The following LRP4 variants were observed in gnomAD, a reference collection of about 807,000 sequenced individuals.
LRP4 encodes low-density lipoprotein receptor-related protein 4.
In LRP4, 95 loss-of-function variants were observed where a neutral mutation model predicts 220.3. The ratio of observed to expected loss-of-function variants is 0.43; its 90% CI spans 0.37 to 0.51. LRP4 has a LOEUF of 0.51. Ranked by LOEUF, LRP4 falls within the 20% of genes least tolerant of loss-of-function variation. The pLI, the probability that LRP4 is intolerant of heterozygous loss-of-function variation, is 0.00. For missense variants in LRP4, 1,925 were observed against 2,567.0 expected (o/e 0.75, Z 5.40); for synonymous variants, 903 against 954.6 (o/e 0.95, Z 1.00).
At chr11:46,872,110 G>T (rs1940880856) in intron 30 of LRP4, among the ~76,000 whole-genome samples, 1 of 152,128 alleles carries the variant, frequency 6.6e-6, no homozygotes, top group Non-Finnish European at 1.5e-5. Context: ...ACAAAAATTA[G>T]CCAGGCGTGG....
intron 20 of LRP4, among the ~76,000 whole-genome samples, chr11:46,881,283 G>C (rs1434310670): frequency 6.6e-6 from 1 of 152,056 alleles, no homozygotes; most frequent in African/African-American, 2.4e-5. Context: ...AGCAAATGTG[G>C]CAAAATTTTA....
intron 16 of LRP4, 116 bp from the exon 17 acceptor site, chr11:46,886,649 C>T: frequency 1.2e-6 from 1 of 837,456 alleles, no homozygotes; most frequent in Non-Finnish European, 2.0e-6. Flanking sequence ...GATCTGGTGC[C>T]CTTTGCCCCC....
At position 46,864,494 on chromosome 11, in the gene LRP4, T is replaced by C. The variant is rs536295033; in HGVS notation, c.5197A>G (p.Ser1733Gly). 1.9e-6 allele frequency: 3 copies of C among 1,613,958 alleles called. No individual in the cohort carries two copies. Among genetic ancestry groups the C allele is most frequent in the African/African-American group, 1.3e-5 (1 of 75,042 alleles). The change falls in exon 36 of 38, where the codon AGT becomes GGT. Residue 1733 changes from serine to glycine, a missense_variant. Around this residue, in one of 3 missense-constraint regions of LRP4, gnomAD observed 1,244 missense variants for 1,624.9 expected, o/e 0.77. Coordinates refer to ENST00000378623, the MANE Select transcript of LRP4 (RefSeq NM_002334.4). ...ATCACCACCAAAATCAGCAGAATAC[T>C]GAGGAGTCCACCAATGGCGTAGCTG... Reference protein sequence around the residue: ...HISYAIGGLLSILLILVVIAA... With the variant: ...HISYAIGGLLGILLILVVIAA...
Position 46,877,248 on chromosome 11 carries a change from G to A in LRP4, c.3228C>T (p.Ile1076=), listed in dbSNP as rs1213262262. Residue 1076 remains isoleucine (I), a synonymous_variant, in exon 23 of 38, where the codon ATC becomes ATT. Transcript: ENST00000378623. ...IPYFADVVVP[I]NITMKNTIAI... ...CAATGGTGTTCTTCATGGTAATGTTGATTGGTACCACCACATCAGCAAAAT... is the reference window on the plus strand; with the variant it reads ...CAATGGTGTTCTTCATGGTAATGTTAATTGGTACCACCACATCAGCAAAAT... The A allele has an allele frequency of 6.2e-7, 1 of 1,613,914 alleles. No individual in the cohort carries two copies. Among genetic ancestry groups the A allele is most frequent in the Non-Finnish European group, 8.5e-7 (1 of 1,179,874 alleles).
At chr11:46,910,679 C>CTTTTTTTTT in intron 1 of LRP4, among the ~76,000 whole-genome samples, 1 of 6,992 alleles carries the variant, frequency 1.4e-4, no homozygotes, top group African/African-American at 3.9e-4. Context: ...ATCCTTGCCC[C>CTTTTTTTTT]CTTTTTTTTT....
At chr11:46,902,990 G>A (rs990393233) in intron 1 of LRP4, 61 bp from the exon 2 acceptor site, 22 of 1,607,464 alleles carry the variant, frequency 1.4e-5, no homozygotes, top group South Asian at 9.9e-5. Flanking sequence ...AGCCCATTCC[G>A]AGGGGAAAGT....
chr11:46,876,381 C>T, intron 25 of LRP4, 85 bp downstream of exon 25: 1 of 1,526,720 alleles, frequency 6.5e-7, no homozygotes, highest in Non-Finnish European at 9.1e-7. Flanking sequence ...ATGCAAGCTT[C>T]CTCTCCACTA....
chr11:46,890,531 G>A lies in LRP4; in HGVS notation c.1698-37C>T. ...AAAGTAAATTGGGAAGTGGGCAGCA[G>A]AAAACAGGTAGGTAACCAGGAGAAT... On this transcript the variant is annotated intron_variant, in intron 13 of 37. Transcript: ENST00000378623. This position sits in a 1 kb window ranked among gnomAD's most constrained non-coding sequence, Gnocchi z 5.3. The A allele has an allele frequency of 6.9e-7, 1 of 1,439,186 alleles. No individual in the cohort carries two copies. Among genetic ancestry groups the A allele is most frequent in the Non-Finnish European group, 9.8e-7 (1 of 1,025,142 alleles). The allele number at this position is 1,439,186 out of a possible 1,614,324, so 89.2% of individuals were successfully genotyped here.
At chr11:46,895,511 G>T (rs949759786) in intron 10 of LRP4, among the ~76,000 whole-genome samples, 2 of 152,132 alleles carry the variant, frequency 1.3e-5, no homozygotes, top group Non-Finnish European at 2.9e-5. Flanking sequence ...AACCCAGGAG[G>T]CGGAGGCTGC....
chr11:46,880,334 C>T (rs2134811462), intron 20 of LRP4, among the ~76,000 whole-genome samples: 1 of 149,100 alleles, frequency 6.7e-6, no homozygotes, highest in South Asian at 2.1e-4. Context: ...TGTGTGGTGG[C>T]TCATGCCTAT....
At chr11:46,896,041 G>A (rs200134840) in intron 9 of LRP4, 23 bp from the exon 10 acceptor site, 2 of 1,613,970 alleles carry the variant, frequency 1.2e-6, no homozygotes, top group Admixed American at 1.7e-5. Flanking sequence ...AGCCAGAGTT[G>A]GGAGTTGAGC....
At chr11:46,892,923 G>C in intron 13 of LRP4, 50 bp downstream of exon 13, 1 of 1,601,332 alleles carries the variant, frequency 6.2e-7, no homozygotes, top group Non-Finnish European at 8.5e-7. Flanking sequence ...TAGCCTGGGA[G>C]CTGTCCCGAG....
chr11:46,898,210 T>C (rs1445984563), intron 7 of LRP4, among the ~76,000 whole-genome samples: 3 of 152,182 alleles, frequency 2.0e-5, no homozygotes, highest in African/African-American at 7.2e-5. Context: ...CGGATTGTCT[T>C]GTTTTTTGAG....
rs562071882 is a variant in LRP4, at chr11:46,899,505, TG to T, written c.431-3del. 185 of 1,600,982 alleles carry T rather than the reference TG, an allele frequency of 1.2e-4. No individual in the cohort carries two copies. The African/African-American group carries it at 2.0e-3, about 17-fold the overall frequency. On this transcript the variant is annotated splice_polypyrimidine_tract_variant and splice_region_variant and intron_variant, in intron 4 of 37. Coordinates refer to ENST00000378623, the MANE Select transcript of LRP4 (RefSeq NM_002334.4). The surrounding 1 kb of genome is among the most constrained non-coding windows in gnomAD (Gnocchi z 5.9). Reference sequence around the variant, plus strand: ...CCTTGTCGGAGCACTTGCGCATGTCTGGGGGGATGCGATGGGACAGCAGTTC... The same window carrying T: ...CCTTGTCGGAGCACTTGCGCATGTCTGGGGGATGCGATGGGACAGCAGTTC...
intron 34 of LRP4, among the ~76,000 whole-genome samples, 175 bp downstream of exon 34, chr11:46,867,804 G>A (rs1940743846): frequency 6.6e-6 from 1 of 152,214 alleles, no homozygotes; most frequent in South Asian, 2.1e-4. Flanking sequence ...GCTAAAAAGG[G>A]AATCACTTGT....
Position 46,875,471 on chromosome 11 carries a change from G to T in LRP4, c.3910C>A (p.Arg1304=). 6.2e-7 allele frequency: 1 copy of T among 1,613,806 alleles called. No homozygotes were observed. The highest frequency in any genetic ancestry group is 1.1e-5 in the South Asian group (1 of 91,060). Residue 1304 remains arginine (R), a synonymous_variant, in exon 27 of 38, where the codon CGG becomes AGG. Transcript: ENST00000378623. The surrounding 1 kb of genome is among the most constrained non-coding windows in gnomAD (Gnocchi z 4.5). ...PGLMDMQAVD[R]AQPLGFNKCG... ...TGACTCTCACCTAGTGGCTGTGCCC[G>T]GTCCACAGCCTGCATGTCCATGAGG...
chr11:46,898,513 C>T, intron 7 of LRP4, 45 bp downstream of exon 7: 1 of 1,613,162 alleles, frequency 6.2e-7, no homozygotes, highest in Non-Finnish European at 8.5e-7. Flanking sequence ...CTCCACAAGC[C>T]TTCTCCTTAG....
At chr11:46,906,293 T>C (rs554833274) in intron 1 of LRP4, among the ~76,000 whole-genome samples, 87 of 152,136 alleles carry the variant, frequency 5.7e-4, no homozygotes, top group African/African-American at 2.0e-3. Context: ...CTGTCTCTAC[T>C]AAAAATACAA....
intron 34 of LRP4, 27 bp downstream of exon 34, chr11:46,867,952 C>A: frequency 3.1e-6 from 5 of 1,614,000 alleles, no homozygotes; most frequent in Non-Finnish European, 4.2e-6. Context: ...ATCAAAGGGC[C>A]CATGATCCTG....
Sources: allele counts gnomAD v4.1 joint callset (sites outside exome capture counted in the v4.1 genomes callset), GRCh38; gene constraint gnomAD v4.1.1; regional missense constraint gnomAD v4.1.1; non-coding constraint Gnocchi (gnomAD v3.1); transcripts MANE v1.5; gene names NCBI Gene and HGNC (gene_info 2026-07-23, HGNC 2026-07-21).